ABCC1: variants seen among roughly 807,000 people sequenced by gnomAD.
ABCC1 encodes the protein multidrug resistance-associated protein 1.
A neutral mutation model predicts 172.9 loss-of-function variants in ABCC1; 83 were observed. That is an observed-to-expected ratio of 0.48 (90% CI 0.40 to 0.58). ABCC1 has a LOEUF of 0.58. Ranked by LOEUF, ABCC1 falls within the 20% of genes least tolerant of loss-of-function variation. The pLI, the probability that ABCC1 is intolerant of heterozygous loss-of-function variation, is 0.00. For missense variants in ABCC1, 1,817 were observed against 2,002.7 expected, an observed-to-expected ratio of 0.91 and a Z score of 1.77; for synonymous variants, 937 against 825.2, an observed-to-expected ratio of 1.14 and a Z score of -2.32.
At chr16:16,117,355 G>A (rs531251832) in intron 23 of ABCC1, among the ~76,000 whole-genome samples, 4 of 152,242 alleles carry the variant, frequency 2.6e-5, no homozygotes, top group Non-Finnish European at 4.4e-5. Flanking sequence ...CATGAGGGTT[G>A]GGGGAAACTG....
At chr16:16,053,703 C>G (rs1265867903) in intron 11 of ABCC1, among the ~76,000 whole-genome samples, 1 of 137,110 alleles carries the variant, frequency 7.3e-6, no homozygotes, top group African/African-American at 2.8e-5. Flanking sequence ...ATGAGGATCA[C>G]CTGAACCCAG....
Position 16,039,371 on chromosome 16 carries a change from A to C in ABCC1, c.809+2768A>C, listed in dbSNP as rs144458926. On this transcript the variant is annotated intron_variant, in intron 7 of 30. Transcript: ENST00000399410. ...CAACCTCTGCCTCTCGGGTTCAAGC[A>C]ATTCTTCTGCCCCGGTCTCCCAAAG... is the stretch of plus-strand genomic sequence containing the variant. Among the ~76,000 whole-genome samples the C allele has an allele frequency of 9.6e-3, 1,437 of 149,632 alleles. 16 individuals carry two copies. Among genetic ancestry groups the C allele is most frequent in the African/African-American group, 0.033 (1,345 of 40,660 alleles).
chr16:16,000,548 C>G (rs972461442), intron 1 of ABCC1, among the ~76,000 whole-genome samples: 4 of 152,108 alleles, frequency 2.6e-5, no homozygotes, highest in Admixed American at 2.0e-4. Context: ...TACATCTGCT[C>G]AATTAGGAAG....
At chr16:16,003,786 C>T (rs1365899906) in intron 1 of ABCC1, among the ~76,000 whole-genome samples, 19 of 20,850 alleles carry the variant, frequency 9.1e-4, no homozygotes, top group Admixed American at 1.6e-3. Context: ...GATGGATGAA[C>T]TGGTGGGTGG....
intron 1 of ABCC1, among the ~76,000 whole-genome samples, chr16:15,997,093 C>CTTT (rs34024385): frequency 6.6e-5 from 9 of 137,146 alleles, no homozygotes; most frequent in African/African-American, 1.3e-4. Flanking sequence ...TGCGCTTTCT[C>CTTT]TTTTTTTTTT....
intron 28 of ABCC1, among the ~76,000 whole-genome samples, chr16:16,135,783 C>A (rs761276109): frequency 6.6e-6 from 1 of 152,104 alleles, no homozygotes; most frequent in East Asian, 1.9e-4. Context: ...GACCAATCCC[C>A]GCAGGTGGAT....
chr16:16,129,334 A>C (rs2045579153), intron 26 of ABCC1, among the ~76,000 whole-genome samples: 1 of 152,046 alleles, frequency 6.6e-6, no homozygotes, highest in South Asian at 2.1e-4. Context: ...CCTTAGTTGC[A>C]TTGTAAGCGC....
At chr16:16,124,399 G>A (rs1323867845) in intron 24 of ABCC1, among the ~76,000 whole-genome samples, 1 of 138,122 alleles carries the variant, frequency 7.2e-6, no homozygotes, top group South Asian at 2.4e-4. Flanking sequence ...GTGTGTGTGT[G>A]TGTGTGTGTG....
intron 1 of ABCC1, among the ~76,000 whole-genome samples, chr16:15,988,950 T>A (rs2046800257): frequency 6.6e-6 from 1 of 150,504 alleles, no homozygotes; most frequent in Non-Finnish European, 1.5e-5. Context: ...GCACCTCTAG[T>A]CCCAGCTACT....
intron 13 of ABCC1, among the ~76,000 whole-genome samples, chr16:16,070,179 C>G (rs1007958604): frequency 6.7e-6 from 1 of 149,592 alleles, no homozygotes; most frequent in Admixed American, 6.7e-5. Flanking sequence ...CCCAGGAGTT[C>G]AAAATCAGCC....
intron 19 of ABCC1, among the ~76,000 whole-genome samples, chr16:16,096,098 C>T (rs2152037823): frequency 6.6e-6 from 1 of 152,206 alleles, no homozygotes; most frequent in East Asian, 1.9e-4. Context: ...GAAACCCCAT[C>T]TCTACTAAAA....
In ABCC1 at chr16:15,960,538, G is replaced by A. The variant is rs565101274; in HGVS notation, c.48+10739G>A. On this transcript the variant is annotated intron_variant, in intron 1 of 30. Coordinates refer to ENST00000399410, the MANE Select transcript of ABCC1 (RefSeq NM_004996.4). ...GACAGACCAGGCCCATGTTCTCATG[G>A]GGTTTACACTGAGGGTGACGGAAAT... Among the ~76,000 whole-genome samples the A allele has an allele frequency of 3.2e-4, 49 of 152,266 alleles. No homozygotes were observed. In the South Asian group the frequency reaches 1.0e-2, roughly 31 times the overall value.
chr16:16,132,757 A>G (rs1030298371), intron 27 of ABCC1, among the ~76,000 whole-genome samples: 5 of 149,782 alleles, frequency 3.3e-5, no homozygotes, highest in African/African-American at 1.2e-4. Flanking sequence ...CCTGACCTCA[A>G]CTGATCCACC....
At chr16:16,014,654 T>C (rs1443945793) in intron 4 of ABCC1, 26 bp downstream of exon 4, 1 of 1,611,756 alleles carries the variant, frequency 6.2e-7, no homozygotes, top group South Asian at 1.1e-5. Context: ...CTTCCTCATC[T>C]TCCTTCAGTG....
chr16:16,034,754 A>C (rs2048691421), intron 6 of ABCC1, among the ~76,000 whole-genome samples: 1 of 151,648 alleles, frequency 6.6e-6, no homozygotes, highest in African/African-American at 2.4e-5. Context: ...CATCCAGCTA[A>C]TTTTTGTATT....
chr16:15,958,583 G>A (rs1413884198), intron 1 of ABCC1, among the ~76,000 whole-genome samples: 1 of 152,216 alleles, frequency 6.6e-6, no homozygotes, highest in Non-Finnish European at 1.5e-5. Context: ...GTAAGGCCTA[G>A]CTTTGATGAT....
intron 5 of ABCC1, among the ~76,000 whole-genome samples, chr16:16,027,827 G>A (rs1041361294): frequency 1.3e-5 from 2 of 151,960 alleles, no homozygotes; most frequent in African/African-American, 2.4e-5. Flanking sequence ...ATATATTTAA[G>A]GTGTACAGTT....
chr16:16,136,606 G>A lies in ABCC1; in HGVS notation c.4254G>A (p.Lys1418=), dbSNP rs1268020338. Residue 1418 remains lysine (K), a synonymous_variant, in exon 29 of 31, where the codon AAG becomes AAA. Transcript: ENST00000399410. ...LKDFVSALPD[K]LDHECAEGGE... ...ACTTCGTGTCAGCCCTTCCTGACAA[G>A]CTAGACCATGAATGTGCAGAAGGCG... The A allele has an allele frequency of 2.5e-6, 4 of 1,614,030 alleles. No homozygotes were observed. The African/African-American group carries it at 5.3e-5, about 22-fold the overall frequency.
At chr16:16,104,197 G>C (rs935122058) in intron 20 of ABCC1, among the ~76,000 whole-genome samples, 7 of 152,170 alleles carry the variant, frequency 4.6e-5, no homozygotes, top group Non-Finnish European at 8.8e-5. Context: ...AAACAATAAA[G>C]CTTCCACAGT....
Sources: gnomAD v4.1 joint callset for allele counts (sites outside exome capture counted in the v4.1 genomes callset) on GRCh38, gnomAD v4.1.1 for gene constraint, MANE v1.5 for transcripts, NCBI Gene and HGNC (gene_info 2026-07-23, HGNC 2026-07-21) for gene names.